VPS13B: variants seen among roughly 807,000 people sequenced by gnomAD.
The protein encoded by VPS13B is vacuolar protein sorting 13 homolog B.
In VPS13B, 285 loss-of-function variants were observed where a neutral mutation model predicts 426.4. The observed-to-expected ratio is 0.67, with a 90% CI of 0.61 to 0.74. The LOEUF (loss-of-function observed/expected upper bound fraction) is 0.74, where lower values mean the gene tolerates loss of function less well. Ranked by LOEUF, VPS13B falls within the 30% of genes least tolerant of loss-of-function variation. The probability of loss-of-function intolerance (pLI) is 0.00; values close to 1 mark genes in which losing one functional copy is unlikely to be tolerated. For missense variants in VPS13B, 4,537 were observed against 4,782.6 expected (o/e 0.95, Z 1.51); for synonymous variants, 1,676 against 1,676.4 (o/e 1.00, Z 0.01).
chr8:99,229,875 T>TA (rs1253003457), intron 17 of VPS13B, among the ~76,000 whole-genome samples: 1 of 152,192 alleles, frequency 6.6e-6, no homozygotes, highest in Non-Finnish European at 1.5e-5. Flanking sequence ...ACTTATGGTT[T>TA]AGAAAGTTTA....
chr8:99,329,307 A>G (rs980814638), intron 19 of VPS13B, among the ~76,000 whole-genome samples: 4 of 152,126 alleles, frequency 2.6e-5, no homozygotes, highest in Non-Finnish European at 4.4e-5. Context: ...AAAAGCAGCT[A>G]TAGTATATTA....
chr8:99,345,361 C>G (rs1811482329), intron 19 of VPS13B, among the ~76,000 whole-genome samples: 1 of 152,134 alleles, frequency 6.6e-6, no homozygotes, highest in African/African-American at 2.4e-5. Context: ...CTATAAGGAC[C>G]ACATAGTAAC....
chr8:99,365,516 C>CTTTTT (rs1554754985), intron 19 of VPS13B, among the ~76,000 whole-genome samples: 6 of 102,414 alleles, frequency 5.9e-5, no homozygotes, highest in Admixed American at 1.1e-4. Context: ...TCTTCTTCTT[C>CTTTTT]TTTTTTTTTT....
At chr8:99,605,351 T>C (rs1024759863) in intron 33 of VPS13B, among the ~76,000 whole-genome samples, 2 of 152,208 alleles carry the variant, frequency 1.3e-5, no homozygotes, top group African/African-American at 2.4e-5. Context: ...AGTTTCTTTC[T>C]AGAAGTAACC....
At chr8:99,271,259 G>T (rs1193376454) in intron 17 of VPS13B, among the ~76,000 whole-genome samples, 3 of 151,230 alleles carry the variant, frequency 2.0e-5, no homozygotes, top group Non-Finnish European at 4.4e-5. Flanking sequence ...GATGATGATT[G>T]TATTAGCATT....
intron 19 of VPS13B, among the ~76,000 whole-genome samples, chr8:99,379,481 G>T (rs1029460213): frequency 5.9e-5 from 9 of 151,926 alleles, no homozygotes; most frequent in Admixed American, 1.3e-4. Flanking sequence ...GCTTTTCTTG[G>T]TTTTTCCTGA....
intron 22 of VPS13B, among the ~76,000 whole-genome samples, chr8:99,438,160 A>G (rs539199639): frequency 6.9e-6 from 1 of 144,668 alleles, no homozygotes; most frequent in South Asian, 2.1e-4. Flanking sequence ...TAATGCTGTT[A>G]TTCCTTTAGG....
intron 19 of VPS13B, among the ~76,000 whole-genome samples, chr8:99,354,027 C>T (rs1265228153): frequency 6.6e-6 from 1 of 151,868 alleles, no homozygotes. Flanking sequence ...GTTGTATTAC[C>T]CTTCTTGTTA....
intron 19 of VPS13B, among the ~76,000 whole-genome samples, chr8:99,289,031 C>CTATG (rs1819585631): frequency 1.6e-5 from 1 of 61,588 alleles, no homozygotes; most frequent in South Asian, 7.0e-4. Flanking sequence ...ACCCCTGCCT[C>CTATG]TATGAATGAA....
At chr8:99,624,099 G>A (rs1422349233) in intron 33 of VPS13B, among the ~76,000 whole-genome samples, 1 of 146,364 alleles carries the variant, frequency 6.8e-6, no homozygotes, top group Non-Finnish European at 1.5e-5. Context: ...TTCATTATGT[G>A]GGTAGATGGG....
At chr8:99,554,204 T>C (rs1395166357) in intron 30 of VPS13B, among the ~76,000 whole-genome samples, 1 of 152,134 alleles carries the variant, frequency 6.6e-6, no homozygotes, top group African/African-American at 2.4e-5. Context: ...AGCACTAATT[T>C]TGTTTTCATT....
At chr8:99,015,947 A>G (rs1181105669) in intron 2 of VPS13B, among the ~76,000 whole-genome samples, 1 of 152,216 alleles carries the variant, frequency 6.6e-6, no homozygotes, top group Non-Finnish European at 1.5e-5. Context: ...GCGACTGGTA[A>G]TCTGACTTCT....
intron 19 of VPS13B, among the ~76,000 whole-genome samples, chr8:99,313,325 G>T (rs866200373): frequency 6.6e-6 from 1 of 152,242 alleles, no homozygotes; most frequent in Middle Eastern, 3.4e-3. Context: ...TTTGATGATG[G>T]TGATGTACAT....
rs551294357 is a variant in VPS13B, at chr8:99,527,764, C to T, written c.4745+6754C>T. ...TCATAGGCTGATTAGAGATTATAAA[C>T]AAACGAGATGAAAATATTTAAATAT... On this transcript the variant is annotated intron_variant, in intron 30 of 61. Coordinates refer to ENST00000357162, the MANE Select transcript of VPS13B (RefSeq NM_152564.5). 2.6e-5 allele frequency: 4 copies of T among 152,152 alleles called. No homozygotes were observed. The South Asian group carries it at 8.3e-4, about 32-fold the overall frequency. 9.4% of individuals were successfully genotyped at this position (152,152 alleles called of 1,614,324 possible). A position where few individuals can be genotyped will look rare whatever the true frequency, so the allele number is the denominator to read the frequency against.
chr8:99,128,488 T>G (rs1278043280), intron 8 of VPS13B, among the ~76,000 whole-genome samples: 1 of 151,248 alleles, frequency 6.6e-6, no homozygotes, highest in Non-Finnish European at 1.5e-5. Context: ...ATTTATTTTT[T>G]GAATAAGTAT....
intron 3 of VPS13B, among the ~76,000 whole-genome samples, chr8:99,091,224 C>T (rs1846130324): frequency 6.6e-6 from 1 of 151,998 alleles, no homozygotes; most frequent in Admixed American, 6.6e-5. Flanking sequence ...TAGCATGGGT[C>T]TCAGAGATTA....
At chr8:99,179,747 G>A (rs528601854) in intron 16 of VPS13B, among the ~76,000 whole-genome samples, 10 of 152,202 alleles carry the variant, frequency 6.6e-5, no homozygotes, top group East Asian at 1.9e-4. Context: ...TGTGGGGCAC[G>A]TTTATCGTGA....
intron 20 of VPS13B, among the ~76,000 whole-genome samples, chr8:99,385,405 C>T (rs1814060414): frequency 6.6e-6 from 1 of 152,122 alleles, no homozygotes; most frequent in Non-Finnish European, 1.5e-5. Context: ...GAGAAGAATA[C>T]ACAATTTTAT....
At chr8:99,088,880 A>T (rs1022371191) in intron 3 of VPS13B, among the ~76,000 whole-genome samples, 1 of 152,134 alleles carries the variant, frequency 6.6e-6, no homozygotes. Context: ...AAGGCATGTT[A>T]CCTTGCCTTG....
Sources: allele counts gnomAD v4.1 joint callset (sites outside exome capture counted in the v4.1 genomes callset), GRCh38; gene constraint gnomAD v4.1.1; transcripts MANE v1.5; gene names NCBI Gene and HGNC (gene_info 2026-07-23, HGNC 2026-07-21).